The following AP1G2 variants were observed in gnomAD, a reference collection of about 807,000 sequenced individuals.
AP1G2 encodes the protein adaptor related protein complex 1 subunit gamma 2, also known as AP-1 complex subunit gamma-like 2.
In AP1G2, 85 loss-of-function variants were observed where a neutral mutation model predicts 95.8. That is an observed-to-expected ratio of 0.89 (90% CI 0.74 to 1.06). The LOEUF (loss-of-function observed/expected upper bound fraction) is 1.06, where lower values mean the gene tolerates loss of function less well. Ranked by LOEUF, AP1G2 falls within the 50% of genes least tolerant of loss-of-function variation. The pLI, the probability that AP1G2 is intolerant of heterozygous loss-of-function variation, is 0.00. For synonymous variants in AP1G2, 378 were observed against 400.0 expected (o/e 0.94, Z 0.66); for missense variants, 967 against 1,005.8 (o/e 0.96, Z 0.52).
intron 3 of AP1G2, 48 bp downstream of exon 3, chr14:23,566,514 C>T (rs1342377485): frequency 1.2e-6 from 2 of 1,610,906 alleles, no homozygotes; most frequent in Middle Eastern, 1.7e-4. Flanking sequence ...TCCAAGGTCC[C>T]TACTCTCCCA....
chr14:23,563,799 C>T lies in AP1G2; in HGVS notation c.1149G>A (p.Met383Ile). 1.9e-6 allele frequency: 3 copies of T among 1,614,208 alleles called. No individual in the cohort carries two copies. Among genetic ancestry groups the T allele is most frequent in the Non-Finnish European group, 2.5e-6 (3 of 1,180,030 alleles). The change falls in exon 12 of 22, where the codon ATG (methionine) becomes ATA (isoleucine). Residue 383 changes from methionine (M) to isoleucine (I), a missense_variant. By Grantham distance (10) the Met-to-Ile change is conservative. Coordinates refer to ENST00000397120, the MANE Select transcript of AP1G2 (RefSeq NM_003917.5). ...ACTCCAGAAAGGCCTGCAGCTCTTG[C>T]ATCATGGCTCGCACATTGGAGCTAT... ...LVNSSNVRAM[M>I]QELQAFLESC...
intron 7 of AP1G2, 136 bp downstream of exon 7, chr14:23,565,470 C>G: frequency 1.2e-6 from 1 of 812,290 alleles, no homozygotes; most frequent in Non-Finnish European, 2.0e-6. Context: ...TGGGATGACC[C>G]GAGCAATCCT....
intron 5 of AP1G2, 84 bp from the exon 6 acceptor site, chr14:23,565,976 C>A (rs772049140): frequency 6.2e-7 from 1 of 1,611,000 alleles, no homozygotes. Context: ...GTGCACTACC[C>A]TTCTCCTGTG....
chr14:23,564,991 G>A, intron 8 of AP1G2, 128 bp downstream of exon 8: 3 of 888,448 alleles, frequency 3.4e-6, no homozygotes, highest in Non-Finnish European at 5.4e-6. Flanking sequence ...TCTTCATGGA[G>A]TTCACTGTCT....
intron 5 of AP1G2, 60 bp from the exon 6 acceptor site, chr14:23,565,952 G>A (rs2139357041): frequency 6.2e-7 from 1 of 1,606,650 alleles, no homozygotes; most frequent in Middle Eastern, 1.7e-4. Flanking sequence ...TCTATTGCGT[G>A]TGTGCCTGTG....
Position 23,567,191 on chromosome 14 carries a change from C to T in AP1G2, c.124G>A (p.Gly42Arg). The change falls in exon 2 of 22, where the codon GGG (glycine) becomes AGG (arginine). Residue 42 changes from glycine (G) to arginine (R), a missense_variant. Transcript: ENST00000397120. This position sits in a 1 kb window ranked among gnomAD's most constrained non-coding sequence, Gnocchi z 5.3. Reference protein sequence around the residue: ...CAHIRASFRDGDPVHRHRQLA... With the variant: ...CAHIRASFRDRDPVHRHRQLA... ...TGCCGGTGCCTGTGCACTGGGTCCC[C>T]GTCGCGGAAGGAGGCCCGGATGTGG... 1.9e-6 allele frequency: 3 copies of T among 1,613,018 alleles called. No homozygotes were observed. The highest frequency in any genetic ancestry group is 1.7e-5 in the Admixed American group (1 of 59,776).
rs369098503 is a variant in AP1G2 at position 23,566,543 on chromosome 14, A to C, written c.329+19T>G. 130 of 1,613,364 alleles carry C rather than the reference A, an allele frequency of 8.1e-5. 1 individual carries two copies. The South Asian group carries it at 1.0e-3, about 13-fold the overall frequency. ...TCTCCCATCTCCCTGATTCCAAGTG[A>C]TTGCCAGAACCCTCTCACTTCTTGA... is the stretch of plus-strand genomic sequence containing the variant. On this transcript the variant is annotated intron_variant, in intron 3 of 21. Coordinates refer to ENST00000397120, the MANE Select transcript of AP1G2 (RefSeq NM_003917.5).
intron 14 of AP1G2, chr14:23,562,893 C>T (rs1000478010): frequency 7.7e-6 from 4 of 516,464 alleles, no homozygotes; most frequent in South Asian, 2.4e-5. Flanking sequence ...AAGTTTGTTA[C>T]CTGGCTCCCA....
Position 23,565,669 on chromosome 14 carries a change from A to G in AP1G2, c.678T>C (p.Thr226=). 4 of 1,614,194 alleles carry G rather than the reference A, an allele frequency of 2.5e-6. No individual in the cohort carries two copies. The highest frequency in any genetic ancestry group is 3.4e-6 in the Non-Finnish European group (4 of 1,180,016). Residue 226 remains threonine, a synonymous_variant, in exon 7 of 22, where the codon ACT becomes ACC. Coordinates refer to ENST00000397120, the MANE Select transcript of AP1G2 (RefSeq NM_003917.5). ...CTGTGGAGTATCCCATTGTCACCAGAGTCCGGAGGATGTGTACCAGCTGGG... is the reference window on the plus strand; with the variant it reads ...CTGTGGAGTATCCCATTGTCACCAGGGTCCGGAGGATGTGTACCAGCTGGG... The part of the protein sequence containing the change: ...VVPQLVHILR[T]LVTMGYSTEH...
intron 11 of AP1G2, 53 bp downstream of exon 11, chr14:23,563,993 C>CA: frequency 6.2e-7 from 1 of 1,610,360 alleles, no homozygotes; most frequent in Middle Eastern, 1.8e-4. Context: ...GTCTTGGCCA[C>CA]AGGGCACTGG....
At position 23,567,581 on chromosome 14, in the gene AP1G2, C is replaced by A. The variant is rs1441945528; in HGVS notation, c.-6+158G>T. 7.9e-6 allele frequency: 10 copies of A among 1,272,768 alleles called. No homozygotes were observed. The African/African-American group carries it at 1.1e-4, about 14-fold the overall frequency. The allele number at this position is 1,272,768 out of a possible 1,614,324, so 78.8% of individuals were successfully genotyped here. A position where few individuals can be genotyped will look rare whatever the true frequency, so the allele number is the denominator to read the frequency against. On this transcript the variant is annotated intron_variant, in intron 1 of 21. Coordinates refer to ENST00000397120, the MANE Select transcript of AP1G2 (RefSeq NM_003917.5). The surrounding 1 kb of genome is among the most constrained non-coding windows in gnomAD (Gnocchi z 5.3). ...GGGAGCCCCACCTATTTCTCTCTAC[C>A]GTTTCCTCCCCCTACCTGGTACCCC...
At chr14:23,565,928 CA>C in intron 5 of AP1G2, 36 bp from the exon 6 acceptor site, 1 of 1,601,216 alleles carries the variant, frequency 6.2e-7, no homozygotes, top group African/African-American at 1.3e-5. Context: ...TGGTGGGGGC[CA>C]GGGGCAAGAG....
At chr14:23,562,625 A>G (rs772926673) in intron 14 of AP1G2, 32 bp from the exon 15 acceptor site, 1 of 1,601,200 alleles carries the variant, frequency 6.2e-7, no homozygotes, top group South Asian at 1.1e-5. Context: ...TGGGCTGGCC[A>G]GGCATGGTGG....
At chr14:23,562,922 G>A in intron 14 of AP1G2, 2 of 586,182 alleles carry the variant, frequency 3.4e-6, no homozygotes, top group Non-Finnish European at 5.2e-6. Flanking sequence ...TGGTGGCCAA[G>A]CATCAGAACT....
chr14:23,563,694 C>T (rs768435957), intron 12 of AP1G2, 22 bp downstream of exon 12: 1 of 1,614,194 alleles, frequency 6.2e-7, no homozygotes, highest in Non-Finnish European at 8.5e-7. Context: ...ATTCTACCCT[C>T]TTCGACTCCT....
Position 23,566,689 on chromosome 14 carries a change from A to G in AP1G2, c.205-3T>C, listed in dbSNP as rs1888181452. 1.2e-5 allele frequency: 19 copies of G among 1,614,106 alleles called. No homozygotes were observed. The highest frequency in any genetic ancestry group is 1.4e-5 in the Non-Finnish European group (17 of 1,179,968). ...GCGATCAGTTTCAGGCACTCCATCT[A>G]TAGTGAAGGGGGCAGACCAGGAAGA... On this transcript the variant is annotated splice_polypyrimidine_tract_variant and splice_region_variant and intron_variant, in intron 2 of 21. Coordinates refer to ENST00000397120, the MANE Select transcript of AP1G2 (RefSeq NM_003917.5).
chr14:23,562,509 G>T lies in AP1G2; in HGVS notation c.1495C>A (p.Leu499Ile), dbSNP rs1161644715. The change falls in exon 15 of 22, where the codon CTT becomes ATT. Residue 499 changes from leucine (L) to isoleucine (I), a missense_variant. Transcript: ENST00000397120. ...TACCCCCAATGAGGTCTCACCTGAA[G>T]GGGCTCAATCTCCTCGCAGTTCCCT... ...LAGNCEEIEP[L>I]QVDEEEVLAL... is the part of the protein sequence containing the mutation. The T allele has an allele frequency of 3.1e-6, 5 of 1,614,220 alleles. No individual in the cohort carries two copies. The highest frequency in any genetic ancestry group is 4.2e-6 in the Non-Finnish European group (5 of 1,180,032).
chr14:23,560,290 C>T lies in AP1G2; in HGVS notation c.2122G>A (p.Val708Ile), dbSNP rs1459953917. 11 of 1,613,836 alleles carry T rather than the reference C, an allele frequency of 6.8e-6. No individual in the cohort carries two copies. The highest frequency in any genetic ancestry group is 1.3e-5 in the African/African-American group (1 of 74,902). Residue 708 changes from valine to isoleucine, a missense_variant, in exon 20 of 22, where the codon GTC (valine) becomes ATC (isoleucine). By Grantham distance (29) the Val-to-Ile change is conservative. Transcript: ENST00000397120. ...ITATNFSEGD[V>I]THFICQAAVP... ...GCAGCCTGGCAGATGAAATGGGTGACATCACCCTCTGAGAAGTTGGTGGCA... is the reference window on the plus strand; with the variant it reads ...GCAGCCTGGCAGATGAAATGGGTGATATCACCCTCTGAGAAGTTGGTGGCA...
intron 7 of AP1G2, 132 bp downstream of exon 7, chr14:23,565,474 C>G (rs2139332028): frequency 2.4e-6 from 2 of 829,886 alleles, no homozygotes; most frequent in East Asian, 2.7e-5. Flanking sequence ...ATGACCCGAG[C>G]AATCCTGTGC....
Sources: gnomAD v4.1 joint callset for allele counts on GRCh38, gnomAD v4.1.1 for gene constraint, Gnocchi (gnomAD v3.1) non-coding constraint, MANE v1.5 for transcripts, NCBI Gene and HGNC (gene_info 2026-07-23, HGNC 2026-07-21) for gene names.